Variants in CFAP47 observed in about 807,000 individuals in gnomAD.
The protein encoded by CFAP47 is cilia and flagella associated protein 47.
A neutral mutation model predicts 148.1 loss-of-function variants in CFAP47; 29 were observed. The observed-to-expected ratio is 0.20, with a 90% CI of 0.15 to 0.27. CFAP47 has a LOEUF of 0.27. Among genes scored for constraint, CFAP47 ranks in the 10% least tolerant of loss-of-function variants. The probability of loss-of-function intolerance (pLI) is 1.00; values close to 1 mark genes in which losing one functional copy is unlikely to be tolerated. For missense variants in CFAP47, 1,872 were observed against 1,697.5 expected, an observed-to-expected ratio of 1.10 and a Z score of -1.81; for synonymous variants, 664 against 577.3, an observed-to-expected ratio of 1.15 and a Z score of -2.15.
chrX:36,007,282 T>C (rs1183361736), intron 21 of CFAP47, among the ~76,000 whole-genome samples: 2 of 112,340 alleles, frequency 1.8e-5, no homozygotes, highest in African/African-American at 6.5e-5. Flanking sequence ...CAATCATTCT[T>C]ACGGGAAGCT....
intron 30 of CFAP47, among the ~76,000 whole-genome samples, chrX:36,093,245 T>C (rs1448004832): frequency 1.8e-5 from 2 of 111,317 alleles, no homozygotes; most frequent in Non-Finnish European, 3.8e-5. Context: ...CTTCAAAATA[T>C]TGATTTCGTT....
intron 22 of CFAP47, among the ~76,000 whole-genome samples, chrX:36,017,567 G>C (rs1937110767): frequency 8.9e-6 from 1 of 111,791 alleles, no homozygotes; most frequent in Non-Finnish European, 1.9e-5. Flanking sequence ...TTTTGTATAT[G>C]GTGAGAGATA....
intron 10 of CFAP47, among the ~76,000 whole-genome samples, chrX:35,970,481 C>T (rs150775385): frequency 0.017 from 1,860 of 110,894 alleles, 44 homozygotes; most frequent in African/African-American, 0.058. Flanking sequence ...GTCCAAATTG[C>T]CTAACTGACT....
At chrX:36,125,272 G>C (rs1373989345) in intron 33 of CFAP47, among the ~76,000 whole-genome samples, 1 of 111,402 alleles carries the variant, frequency 9.0e-6, no homozygotes, top group Non-Finnish European at 1.9e-5. Flanking sequence ...AGGGATTAGA[G>C]ATGTAGTAGT....
chrX:36,171,672 C>A (rs1243242839), intron 39 of CFAP47, among the ~76,000 whole-genome samples: 3 of 111,474 alleles, frequency 2.7e-5, no homozygotes, highest in Non-Finnish European at 5.6e-5. Context: ...TGTTTTGGTA[C>A]CAGTACCATA....
At chrX:35,936,598 A>AT (rs1030674618) in intron 2 of CFAP47, among the ~76,000 whole-genome samples, 5 of 108,491 alleles carry the variant, frequency 4.6e-5, no homozygotes, top group Non-Finnish European at 7.7e-5. Flanking sequence ...TGAATGCTAA[A>AT]TTTTTTTTTC....
Position 36,229,604 on chromosome X carries a change from C to A in CFAP47, c.7014+780C>A, listed in dbSNP as rs1602056635. 2.7e-5 allele frequency among the ~76,000 whole-genome samples: 3 copies of A among 110,594 alleles called. No individual in the cohort carries two copies. In the South Asian group the frequency reaches 1.1e-3, roughly 42 times the overall value. On this transcript the variant is annotated intron_variant, in intron 46 of 63. Transcript: ENST00000378653. ...TATGTTTACATTTTTGATATTTATT[C>A]TTTTTTTATTTTATTATTATTATAC...
chrX:36,086,283 C>T (rs756539366), intron 30 of CFAP47, among the ~76,000 whole-genome samples: 7 of 112,267 alleles, frequency 6.2e-5, no homozygotes, highest in Admixed American at 4.7e-4. Flanking sequence ...GCGCTTGCAA[C>T]ATCCATGTAC....
In CFAP47 at chrX:36,138,064, C is replaced by T. The variant is rs989653181; in HGVS notation, c.5418+9C>T. The stretch of plus-strand genomic sequence containing the variant: ...CCTATTGCCCATTCTTGGTAAGAGT[C>T]GTTTTTATGCATAATGATCTTCTAT... On this transcript the variant is annotated intron_variant, in intron 34 of 63. Transcript: ENST00000378653. The T allele has an allele frequency of 7.0e-6, 5 of 716,984 alleles. No homozygotes were observed. Among genetic ancestry groups the T allele is most frequent in the South Asian group, 2.5e-5 (1 of 40,692 alleles). The allele number at this position is 716,984 out of a possible 1,213,427, so 59.1% of individuals were successfully genotyped here. A position where few individuals can be genotyped will look rare whatever the true frequency, so the allele number is the denominator to read the frequency against.
chrX:35,998,501 G>C (rs1936875092), intron 19 of CFAP47, among the ~76,000 whole-genome samples: 1 of 111,249 alleles, frequency 9.0e-6, no homozygotes, highest in Admixed American at 9.6e-5. Flanking sequence ...TTGTACTTTT[G>C]TTTTTTCTCC....
At chrX:36,316,404 T>C (rs1472912310) in intron 56 of CFAP47, among the ~76,000 whole-genome samples, 1 of 112,239 alleles carries the variant, frequency 8.9e-6, no homozygotes, top group Non-Finnish European at 1.9e-5. Context: ...GTCATCATGA[T>C]GTTGGTGGAG....
chrX:36,068,402 A>C (rs1011102432), intron 27 of CFAP47, among the ~76,000 whole-genome samples: 1 of 112,142 alleles, frequency 8.9e-6, no homozygotes, highest in Admixed American at 9.5e-5. Context: ...CCTTGTGTCC[A>C]TAGTGCCTCA....
intron 39 of CFAP47, among the ~76,000 whole-genome samples, chrX:36,171,895 G>A (rs1276051447): frequency 3.7e-5 from 4 of 108,994 alleles, no homozygotes; most frequent in South Asian, 8.1e-4. Flanking sequence ...GGGCAGTATG[G>A]CCATTTTCAC....
At chrX:36,073,793 C>T (rs1369904260) in intron 29 of CFAP47, among the ~76,000 whole-genome samples, 1 of 111,303 alleles carries the variant, frequency 9.0e-6, no homozygotes, top group African/African-American at 3.3e-5. Context: ...ATTTACTTCC[C>T]TTCTTTCATG....
At chrX:36,122,773 C>T (rs951664607) in intron 33 of CFAP47, among the ~76,000 whole-genome samples, 1 of 111,648 alleles carries the variant, frequency 9.0e-6, no homozygotes, top group African/African-American at 3.3e-5. Flanking sequence ...AAATGGTCAC[C>T]TATCTGTGTT....
intron 49 of CFAP47, among the ~76,000 whole-genome samples, chrX:36,266,402 C>T (rs1940892885): frequency 9.0e-6 from 1 of 111,234 alleles, no homozygotes. Context: ...GCTGGAAGTG[C>T]TCCAGTGGGC....
At chrX:36,033,506 T>C (rs2146721022) in intron 23 of CFAP47, among the ~76,000 whole-genome samples, 1 of 111,868 alleles carries the variant, frequency 8.9e-6, no homozygotes, top group East Asian at 2.8e-4. Flanking sequence ...CTTTTCCTCA[T>C]TTTAAAATGA....
At chrX:36,229,068 T>A (rs1273946506) in intron 46 of CFAP47, among the ~76,000 whole-genome samples, 1 of 111,595 alleles carries the variant, frequency 9.0e-6, no homozygotes, top group Non-Finnish European at 1.9e-5. Flanking sequence ...TAATGTATCA[T>A]TAAATTCCTT....
At position 36,078,037 on chromosome X, in the gene CFAP47, G is replaced by GA. The variant is rs752354772; in HGVS notation, c.4691+4683dup. 2.9e-3 allele frequency among the ~76,000 whole-genome samples: 297 copies of GA among 103,156 alleles called. 1 individual carries two copies. The highest frequency in any genetic ancestry group is 0.014 in the South Asian group (33 of 2,347). 89.6% of individuals were successfully genotyped at this position (103,156 alleles called of 115,157 possible). ...GAGCAAGACTCAGTCTCAAAAAAAA[G>GA]AAAAAAAAAAGAAAAATCTCAAATT... On this transcript the variant is annotated intron_variant, in intron 29 of 63. Coordinates refer to ENST00000378653, the MANE Select transcript of CFAP47 (RefSeq NM_001304548.2).
Sources: gnomAD v4.1 joint callset for allele counts (sites outside exome capture counted in the v4.1 genomes callset) on GRCh38, gnomAD v4.1.1 for gene constraint, MANE v1.5 for transcripts, NCBI Gene and HGNC (gene_info 2026-07-23, HGNC 2026-07-21) for gene names.